The following EIF4A1 variants were observed in gnomAD, a reference collection of about 807,000 sequenced individuals.
EIF4A1 encodes eukaryotic initiation factor 4A-I.
Under a neutral mutation model 53.5 loss-of-function variants are expected in EIF4A1, and 11 were observed. The ratio of observed to expected loss-of-function variants is 0.21; its 90% CI spans 0.13 to 0.34. EIF4A1 has a LOEUF of 0.34. Ranked by LOEUF, EIF4A1 falls within the 10% of genes least tolerant of loss-of-function variation. The pLI, the probability that EIF4A1 is intolerant of heterozygous loss-of-function variation, is 1.00. For synonymous variants in EIF4A1, 237 were observed against 186.7 expected, an observed-to-expected ratio of 1.27 and a Z score of -2.20; for missense variants, 213 against 530.8, an observed-to-expected ratio of 0.40 and a Z score of 5.88.
intron 10 of EIF4A1, 29 bp downstream of exon 10, chr17:7,578,273 C>T: frequency 2.5e-6 from 4 of 1,614,066 alleles, no homozygotes; most frequent in Non-Finnish European, 3.4e-6. Context: ...CACTCCCCTA[C>T]CCCTTCACAC....
Position 7,575,237 on chromosome 17 carries a change from C to T in EIF4A1, c.324C>T (p.Pro108=), listed in dbSNP as rs775558520. ...LKATQALVLA[P]TRELAQQIQK... is the part of the protein sequence containing the mutation. ...CCACCCAGGCCTTGGTCCTAGCACC[C>T]ACTCGAGAATTGGCTCAGCAGGTAA... The change falls in exon 4 of 11, where the codon CCC becomes CCT. Residue 108 remains proline, a synonymous_variant. Coordinates refer to ENST00000293831, the MANE Select transcript of EIF4A1 (RefSeq NM_001416.4). 6.2e-7 allele frequency: 1 copy of T among 1,614,026 alleles called. No individual in the cohort carries two copies. Among genetic ancestry groups the T allele is most frequent in the Non-Finnish European group, 8.5e-7 (1 of 1,180,038 alleles).
chr17:7,574,485 A>G, intron 2 of EIF4A1, 61 bp from the exon 3 acceptor site: 1 of 1,606,978 alleles, frequency 6.2e-7, no homozygotes, highest in Non-Finnish European at 8.5e-7. Context: ...GTTTGCTCGG[A>G]GACTACAGCT....
chr17:7,578,264 A>G lies in EIF4A1; in HGVS notation c.1076+20A>G. ...CCACAGGTAAGCGTAGATCTGGAAC[A>G]CTCCCCTACCCCTTCACACCTGGCC... On this transcript the variant is annotated intron_variant, in intron 10 of 10. Coordinates refer to ENST00000293831, the MANE Select transcript of EIF4A1 (RefSeq NM_001416.4). 6.2e-7 allele frequency: 1 copy of G among 1,613,700 alleles called. No individual in the cohort carries two copies. The highest frequency in any genetic ancestry group is 8.5e-7 in the Non-Finnish European group (1 of 1,179,926).
Position 7,578,831 on chromosome 17 carries a change from ACCAAAT to A in EIF4A1, c.*347_*352del. 1 of 183,354 alleles carries A rather than the reference ACCAAAT, an allele frequency of 5.5e-6. No individual in the cohort carries two copies. The highest frequency in any genetic ancestry group is 1.1e-5 in the Non-Finnish European group (1 of 87,894). The allele number at this position is 183,354 out of a possible 1,614,324, so 11.4% of individuals were successfully genotyped here. A position where few individuals can be genotyped will look rare whatever the true frequency, so the allele number is the denominator to read the frequency against. On this transcript the variant is annotated 3_prime_UTR_variant, in exon 11 of 11. Coordinates refer to ENST00000293831, the MANE Select transcript of EIF4A1 (RefSeq NM_001416.4). ...TATGTCACTCAGCCTCATTTGCTGG[ACCAAAT>A]CTGGAGGGAGAACCCCTAAAACCCC...
At chr17:7,575,279 C>T (rs1213077534) in intron 4 of EIF4A1, 21 bp downstream of exon 4, 2 of 1,613,542 alleles carry the variant, frequency 1.2e-6, no homozygotes, top group Middle Eastern at 1.6e-4. Flanking sequence ...CTTCTATTCC[C>T]TCCTTCAGGG....
chr17:7,575,062 T>TG, intron 3 of EIF4A1, 57 bp from the exon 4 acceptor site: 1 of 1,601,484 alleles, frequency 6.2e-7, no homozygotes, highest in East Asian at 2.2e-5. Context: ...ACCTAGGACT[T>TG]GAATATCCCA....
intron 3 of EIF4A1, 98 bp from the exon 4 acceptor site, chr17:7,575,021 T>G (rs1035344322): frequency 1.3e-6 from 2 of 1,499,536 alleles, no homozygotes. Flanking sequence ...CATGAAATGC[T>G]TGGTTCATTG....
intron 1 of EIF4A1, chr17:7,573,111 G>C (rs934422024): frequency 4.8e-5 from 30 of 620,026 alleles, no homozygotes; most frequent in Non-Finnish European, 7.5e-5. Flanking sequence ...TCGACCCGAG[G>C]CGGTGCCATG....
At chr17:7,578,074 C>G in intron 9 of EIF4A1, 91 bp from the exon 10 acceptor site, 2 of 1,591,626 alleles carry the variant, frequency 1.3e-6, no homozygotes, top group Non-Finnish European at 1.7e-6. Context: ...CCTCTGCCTT[C>G]CTTGGCTGCC....
Position 7,578,383 on chromosome 17 carries a change from T to C in EIF4A1, c.1118T>C (p.Ile373Thr), listed in dbSNP as rs2071432163. 2 of 1,613,556 alleles carry C rather than the reference T, an allele frequency of 1.2e-6. No individual in the cohort carries two copies. Among genetic ancestry groups the C allele is most frequent in the Admixed American group, 1.7e-5 (1 of 59,938 alleles). Reference sequence around the variant, plus strand: ...CGGTTTGGCCGTAAAGGTGTGGCTATTAACATGGTGACAGAAGAAGACAAG... The same window carrying C: ...CGGTTTGGCCGTAAAGGTGTGGCTACTAACATGGTGACAGAAGAAGACAAG... ...GGRFGRKGVA[I>T]NMVTEEDKRT... The change falls in exon 11 of 11, where the codon ATT becomes ACT. Residue 373 changes from isoleucine to threonine, a missense_variant. By Grantham distance (89) the Ile-to-Thr change is moderately conservative. Transcript: ENST00000293831.
At chr17:7,574,495 T>G in intron 2 of EIF4A1, 51 bp from the exon 3 acceptor site, 1 of 1,611,568 alleles carries the variant, frequency 6.2e-7, no homozygotes, top group Non-Finnish European at 8.5e-7. Flanking sequence ...AGACTACAGC[T>G]CAGCTCCACC....
In EIF4A1 at chr17:7,576,488, T is replaced by A. The variant is rs747156381; in HGVS notation, c.346-36T>A. ...TTAAGAATGGTGCCGGGCACAGTGGTAACTGACATATGAGCACCTGCCTCT... is the reference window on the plus strand; with the variant it reads ...TTAAGAATGGTGCCGGGCACAGTGGAAACTGACATATGAGCACCTGCCTCT... On this transcript the variant is annotated intron_variant, in intron 4 of 10. Coordinates refer to ENST00000293831, the MANE Select transcript of EIF4A1 (RefSeq NM_001416.4). 4.6e-6 allele frequency: 7 copies of A among 1,524,570 alleles called. No individual in the cohort carries two copies. In the East Asian group the frequency reaches 1.6e-4, roughly 35 times the overall value. The allele number at this position is 1,524,570 out of a possible 1,614,324, so 94.4% of individuals were successfully genotyped here. A position where few individuals can be genotyped will look rare whatever the true frequency, so the allele number is the denominator to read the frequency against.
chr17:7,575,400 T>A (rs1361565128), intron 4 of EIF4A1, 142 bp downstream of exon 4: 1 of 1,210,400 alleles, frequency 8.3e-7, no homozygotes, highest in Non-Finnish European at 1.2e-6. Context: ...CTGGGTTAAT[T>A]AAAAGCTATT....
chr17:7,576,502 G>GC, intron 4 of EIF4A1, 22 bp from the exon 5 acceptor site: 3 of 1,540,494 alleles, frequency 1.9e-6, no homozygotes, highest in Non-Finnish European at 2.6e-6. Flanking sequence ...TGACATATGA[G>GC]CACCTGCCTC....
Position 7,578,707 on chromosome 17 carries a change from A to C in EIF4A1, c.*221A>C. On this transcript the variant is annotated 3_prime_UTR_variant, in exon 11 of 11. Coordinates refer to ENST00000293831, the MANE Select transcript of EIF4A1 (RefSeq NM_001416.4). ...AGGCGCCGGCTCTTCTCCCAAAAAA[A>C]AAAAAAAAACACTAATCCATTTCCC... 2.4e-6 allele frequency: 1 copy of C among 412,802 alleles called. No homozygotes were observed. The allele number at this position is 412,802 out of a possible 1,614,324, so 25.6% of individuals were successfully genotyped here. A position where few individuals can be genotyped will look rare whatever the true frequency, so the allele number is the denominator to read the frequency against.
At position 7,578,774 on chromosome 17, in the gene EIF4A1, A is replaced by T. The variant is rs566584944; in HGVS notation, c.*288A>T. 6.6e-5 allele frequency: 16 copies of T among 240,924 alleles called. No individual in the cohort carries two copies. The highest frequency in any genetic ancestry group is 3.2e-4 in the African/African-American group (14 of 43,834). The allele number at this position is 240,924 out of a possible 1,614,324, so 14.9% of individuals were successfully genotyped here. On this transcript the variant is annotated 3_prime_UTR_variant, in exon 11 of 11. Transcript: ENST00000293831. ...AGATCCCAGAGGCTCTCCTCACCTC[A>T]GCTGAGCTCCTTTGAAAGTGATTCA...
At chr17:7,578,086 A>C (rs2071426726) in intron 9 of EIF4A1, 79 bp from the exon 10 acceptor site, 1 of 1,602,224 alleles carries the variant, frequency 6.2e-7, no homozygotes, top group Non-Finnish European at 8.6e-7. Context: ...TTGGCTGCCC[A>C]CATGGATGCC....
rs932753506 is a variant in EIF4A1, at chr17:7,577,087, T to C, written c.546T>C (p.Asp182=). 2 of 1,613,410 alleles carry C rather than the reference T, an allele frequency of 1.2e-6. No individual in the cohort carries two copies. Among genetic ancestry groups the C allele is most frequent in the African/African-American group, 1.3e-5 (1 of 74,868 alleles). The change falls in exon 6 of 11, where the codon GAT becomes GAC. Residue 182 remains aspartate, a synonymous_variant. Transcript: ENST00000293831. The surrounding 1 kb of genome is among the most constrained non-coding windows in gnomAD (Gnocchi z 4.7). ...SPKYIKMFVL[D]EADEMLSRGF... ...AATACATCAAGATGTTTGTACTGGA[T>C]GAAGCTGACGAAATGTTAAGCCGTG...
At chr17:7,574,153 C>A (rs2071367181) in intron 1 of EIF4A1, 107 bp from the exon 2 acceptor site, 1 of 1,296,644 alleles carries the variant, frequency 7.7e-7, no homozygotes, top group Non-Finnish European at 1.1e-6. Flanking sequence ...GGATCTGGGA[C>A]AGCAGATTGA....
Sources: allele counts gnomAD v4.1 joint callset, GRCh38; gene constraint gnomAD v4.1.1; non-coding constraint Gnocchi (gnomAD v3.1); transcripts MANE v1.5; gene names NCBI Gene and HGNC (gene_info 2026-07-23, HGNC 2026-07-21).